SRL: variants seen among roughly 807,000 people sequenced by gnomAD.
SRL encodes sarcalumenin.
Under a neutral mutation model 39.5 loss-of-function variants are expected in SRL, and 23 were observed. That is an observed-to-expected ratio of 0.58 (90% CI 0.42 to 0.82). The LOEUF (loss-of-function observed/expected upper bound fraction) is 0.82, where lower values mean the gene tolerates loss of function less well. Ranked by LOEUF, SRL falls within the 40% of genes least tolerant of loss-of-function variation. The pLI is 0.00. For missense variants in SRL, 592 were observed against 607.8 expected (o/e 0.97, Z 0.27); for synonymous variants, 272 against 237.4 (o/e 1.15, Z -1.34).
intron 1 of SRL, among the ~76,000 whole-genome samples, chr16:4,217,455 T>C (rs1446982634): frequency 6.6e-6 from 1 of 152,184 alleles, no homozygotes; most frequent in Non-Finnish European, 1.5e-5. Context: ...TCTCACTATG[T>C]TGCCCAGGCT....
intron 1 of SRL, among the ~76,000 whole-genome samples, chr16:4,224,735 A>G (rs1025395498): frequency 2.6e-5 from 4 of 151,120 alleles, no homozygotes; most frequent in Non-Finnish European, 5.9e-5. Context: ...AAAAAAAAAG[A>G]AAAAAAAAGG....
intron 1 of SRL, among the ~76,000 whole-genome samples, chr16:4,234,486 C>T (rs149685627): frequency 2.0e-5 from 3 of 152,104 alleles, no homozygotes; most frequent in Non-Finnish European, 2.9e-5. Context: ...ACCTTGACTC[C>T]GAGTAAAACC....
chr16:4,223,803 C>G (rs540677690), intron 1 of SRL, among the ~76,000 whole-genome samples: 1 of 152,268 alleles, frequency 6.6e-6, no homozygotes, highest in African/African-American at 2.4e-5. Flanking sequence ...TCCCAGAGAC[C>G]TACGGGTTGC....
At chr16:4,216,664 A>G (rs1013303965) in intron 1 of SRL, among the ~76,000 whole-genome samples, 1 of 152,206 alleles carries the variant, frequency 6.6e-6, no homozygotes, top group African/African-American at 2.4e-5. Context: ...GGGATACTCT[A>G]TAGAGCACTC....
intron 1 of SRL, among the ~76,000 whole-genome samples, chr16:4,234,432 G>A (rs2052693647): frequency 6.6e-6 from 1 of 152,224 alleles, no homozygotes; most frequent in Non-Finnish European, 1.5e-5. Flanking sequence ...CAATGAGGAA[G>A]TCACAGGCAA....
In SRL at chr16:4,199,364, C is replaced by CTTTTT. The variant is rs71139622; in HGVS notation, c.260-1454_260-1450dup. Among the ~76,000 whole-genome samples, 65 of 84,606 alleles carry CTTTTT rather than the reference C, an allele frequency of 7.7e-4. 1 individual carries two copies. The highest frequency in any genetic ancestry group is 1.1e-3 in the South Asian group (2 of 1,864). The allele number at this position is 84,606 out of a possible 152,430, so 55.5% of individuals were successfully genotyped here. The stretch of plus-strand genomic sequence containing the variant: ...TATTTGTAGCTAACATATTCCCCAT[C>CTTTTT]TTTTTTTTTTTTTTTTTTTTTTTTT... On this transcript the variant is annotated intron_variant, in intron 3 of 5. Coordinates refer to ENST00000399609, the MANE Select transcript of SRL (RefSeq NM_001098814.2).
chr16:4,192,958 G>A lies in SRL; in HGVS notation c.617C>T (p.Pro206Leu). ...ENRKQQERGY[P>L]FNDVCQWFID... ...GAACCACTGGCACACGTCGTTGAAG[G>A]GGTAGCCTTTGGGAGACAGAAGTGA... Residue 206 changes from proline (P) to leucine (L), a missense_variant, in exon 6 of 6, where the codon CCC becomes CTC. Coordinates refer to ENST00000399609, the MANE Select transcript of SRL (RefSeq NM_001098814.2). This position sits in a 1 kb window ranked among gnomAD's most constrained non-coding sequence, Gnocchi z 4.0. 3.1e-6 allele frequency: 5 copies of A among 1,608,168 alleles called. No homozygotes were observed. The highest frequency in any genetic ancestry group is 3.4e-6 in the Non-Finnish European group (4 of 1,177,520).
At chr16:4,237,206 T>G (rs930684868) in intron 1 of SRL, among the ~76,000 whole-genome samples, 2 of 152,156 alleles carry the variant, frequency 1.3e-5, no homozygotes, top group Admixed American at 6.5e-5. Flanking sequence ...CCTCCCAAAG[T>G]GCTGGGATTA....
chr16:4,199,478 C>A (rs1256228044), intron 3 of SRL, among the ~76,000 whole-genome samples: 2 of 148,406 alleles, frequency 1.3e-5, no homozygotes, highest in African/African-American at 4.9e-5. Flanking sequence ...TCAAGCGATC[C>A]TCCCACCTCA....
At chr16:4,230,237 G>A (rs541633043) in intron 1 of SRL, among the ~76,000 whole-genome samples, 6 of 151,934 alleles carry the variant, frequency 3.9e-5, no homozygotes, top group Admixed American at 2.0e-4. Context: ...GATCAGCCAG[G>A]GGGGGCAACC....
Position 4,189,408 on chromosome 16 carries a change from A to G in SRL, c.*2745T>C, listed in dbSNP as rs1449708199. On this transcript the variant is annotated 3_prime_UTR_variant, in exon 6 of 6. Coordinates refer to ENST00000399609, the MANE Select transcript of SRL (RefSeq NM_001098814.2). ...GATCGGAACTTTATTGAGACTGATGAAATCAGAACCAAAAGAACACTGGAA... is the reference window on the plus strand; with the variant it reads ...GATCGGAACTTTATTGAGACTGATGGAATCAGAACCAAAAGAACACTGGAA... The G allele has an allele frequency of 2.6e-5, 4 of 152,244 alleles. No homozygotes were observed. The highest frequency in any genetic ancestry group is 4.4e-5 in the Non-Finnish European group (3 of 68,056). The allele number at this position is 152,244 out of a possible 1,614,324, so 9.4% of individuals were successfully genotyped here.
At chr16:4,200,022 A>G (rs9922685) in intron 3 of SRL, among the ~76,000 whole-genome samples, 30,240 of 152,082 alleles carry the variant, frequency 0.2, 5,767 homozygotes, top group African/African-American at 0.49. Flanking sequence ...GAGCGTTGCC[A>G]TATGCTTCCT....
At chr16:4,211,987 G>A (rs900803786) in intron 1 of SRL, among the ~76,000 whole-genome samples, 10 of 152,158 alleles carry the variant, frequency 6.6e-5, no homozygotes, top group East Asian at 1.9e-4. Context: ...CTCAAAAGCC[G>A]TTTTCCCTGG....
chr16:4,200,507 G>C (rs1381324762), intron 3 of SRL, among the ~76,000 whole-genome samples: 2 of 152,224 alleles, frequency 1.3e-5, no homozygotes, highest in African/African-American at 4.8e-5. Context: ...AAGCCCAAAA[G>C]GTGAGTGCAG....
chr16:4,241,915 C>T (rs968445420), intron 1 of SRL, 92 bp downstream of exon 1: 1 of 1,439,574 alleles, frequency 6.9e-7, no homozygotes, highest in Non-Finnish European at 9.7e-7. Context: ...TGCCATCAGC[C>T]CCGACCCCCT....
intron 1 of SRL, among the ~76,000 whole-genome samples, chr16:4,234,619 T>G (rs917917288): frequency 2.0e-5 from 3 of 152,132 alleles, no homozygotes; most frequent in African/African-American, 7.2e-5. Flanking sequence ...CTCTAGAAAC[T>G]CAGTTAAATC....
At chr16:4,236,650 CTT>C (rs372843167) in intron 1 of SRL, among the ~76,000 whole-genome samples, 1 of 147,206 alleles carries the variant, frequency 6.8e-6, no homozygotes, top group Non-Finnish European at 1.5e-5. Context: ...CCAAACTGAA[CTT>C]TTTTTTTTTG....
intron 1 of SRL, among the ~76,000 whole-genome samples, chr16:4,224,965 C>A (rs890491196): frequency 6.6e-6 from 1 of 152,078 alleles, no homozygotes; most frequent in Non-Finnish European, 1.5e-5. Context: ...CTGGAAGACA[C>A]GGTGGTAAGT....
At chr16:4,230,246 C>T (rs561901078) in intron 1 of SRL, among the ~76,000 whole-genome samples, 1 of 152,274 alleles carries the variant, frequency 6.6e-6, no homozygotes, top group East Asian at 1.9e-4. Context: ...GGGGGGGCAA[C>T]CCATGAGCTG....
Sources: allele counts gnomAD v4.1 joint callset (sites outside exome capture counted in the v4.1 genomes callset), GRCh38; gene constraint gnomAD v4.1.1; non-coding constraint Gnocchi (gnomAD v3.1); transcripts MANE v1.5; gene names NCBI Gene and HGNC (gene_info 2026-07-23, HGNC 2026-07-21).